Variants in SSBP2 observed in about 807,000 individuals in gnomAD.
The protein encoded by SSBP2 is single stranded DNA binding protein 2.
SSBP2 carries 17 observed loss-of-function variants against 61.8 expected under a neutral mutation model. The observed-to-expected ratio is 0.28, with a 90% CI of 0.19 to 0.41. SSBP2 has a LOEUF of 0.41. Ranked by LOEUF, SSBP2 falls within the 10% of genes least tolerant of loss-of-function variation. SSBP2 has a pLI of 1.00. For missense variants in SSBP2, 310 were observed against 458.7 expected (o/e 0.68, Z 2.96); for synonymous variants, 139 against 141.3 (o/e 0.98, Z 0.12).
At chr5:81,742,471 T>A (rs540659514) in intron 1 of SSBP2, among the ~76,000 whole-genome samples, 1 of 152,162 alleles carries the variant, frequency 6.6e-6, no homozygotes, top group Non-Finnish European at 1.5e-5. Context: ...AAATACATAA[T>A]CACAAACCTT....
chr5:81,722,270 C>A (rs1465838530), intron 1 of SSBP2, among the ~76,000 whole-genome samples: 1 of 151,882 alleles, frequency 6.6e-6, no homozygotes, highest in Admixed American at 6.6e-5. Context: ...AAAGCCTTGT[C>A]AAAAATACTG....
chr5:81,605,158 T>C (rs1446087152), intron 4 of SSBP2, among the ~76,000 whole-genome samples: 2 of 151,446 alleles, frequency 1.3e-5, no homozygotes, highest in Non-Finnish European at 3.0e-5. Context: ...ATTCAATTCA[T>C]TGACTCCCTC....
chr5:81,721,095 A>G (rs1280506785), intron 1 of SSBP2, among the ~76,000 whole-genome samples: 1 of 152,184 alleles, frequency 6.6e-6, no homozygotes, highest in Non-Finnish European at 1.5e-5. Context: ...TTTTATAAAG[A>G]GCCACAATAG....
intron 4 of SSBP2, among the ~76,000 whole-genome samples, chr5:81,573,366 A>G (rs1179651405): frequency 1.3e-5 from 2 of 152,242 alleles, no homozygotes; most frequent in Non-Finnish European, 2.9e-5. Flanking sequence ...GGCTTTTGCC[A>G]ATGTCGAAAG....
intron 1 of SSBP2, among the ~76,000 whole-genome samples, chr5:81,652,200 GGGT>G: frequency 6.6e-6 from 1 of 152,278 alleles, no homozygotes; most frequent in South Asian, 2.1e-4. Context: ...GTCAAGGCCA[GGGT>G]ACATCTGTGG....
chr5:81,579,468 A>T (rs1774480741), intron 4 of SSBP2, among the ~76,000 whole-genome samples: 1 of 152,078 alleles, frequency 6.6e-6, no homozygotes, highest in Non-Finnish European at 1.5e-5. Flanking sequence ...GCTAAGGTCT[A>T]AGAAGAGTTC....
chr5:81,447,071 A>G (rs761516691), intron 11 of SSBP2, 149 bp from the exon 12 acceptor site: 4 of 601,332 alleles, frequency 6.7e-6, no homozygotes, highest in Non-Finnish European at 8.2e-6. Flanking sequence ...AATCATTTCA[A>G]TATTCTACAA....
intron 1 of SSBP2, among the ~76,000 whole-genome samples, chr5:81,739,245 T>C (rs1297174957): frequency 6.6e-6 from 1 of 151,592 alleles, no homozygotes; most frequent in East Asian, 1.9e-4. Context: ...CTTGAAATAG[T>C]TCGTATTTAA....
intron 1 of SSBP2, among the ~76,000 whole-genome samples, chr5:81,651,201 T>A (rs1749698379): frequency 6.6e-6 from 1 of 152,240 alleles, no homozygotes; most frequent in South Asian, 2.1e-4. Flanking sequence ...GTTCAGTTTC[T>A]GCTACACTAT....
chr5:81,489,147 A>C, intron 6 of SSBP2, 103 bp downstream of exon 6: 1 of 1,051,520 alleles, frequency 9.5e-7, no homozygotes, highest in Non-Finnish European at 1.4e-6. Context: ...ATTAAATGGG[A>C]CAGAAAAAGG....
intron 4 of SSBP2, among the ~76,000 whole-genome samples, chr5:81,595,300 G>C (rs1185868745): frequency 1.3e-5 from 2 of 152,104 alleles, no homozygotes; most frequent in Non-Finnish European, 2.9e-5. Context: ...GGAAGAAGTT[G>C]AATCTCTGAA....
intron 4 of SSBP2, among the ~76,000 whole-genome samples, chr5:81,530,078 G>A (rs569321116): frequency 5.9e-5 from 9 of 152,016 alleles, no homozygotes; most frequent in African/African-American, 1.2e-4. Flanking sequence ...TGATCAAGCC[G>A]GGTTTCAGAC....
At position 81,591,579 on chromosome 5, in the gene SSBP2, G is replaced by C. The variant is rs142116950; in HGVS notation, c.282+23894C>G. On this transcript the variant is annotated intron_variant, in intron 4 of 16. Transcript: ENST00000320672. ...CATGAAAAAATGGGAAACTTCCACA[G>C]ACAGAAACTGTGAGAGAAAATAAAA... is the stretch of plus-strand genomic sequence containing the variant. Among the ~76,000 whole-genome samples, 1,105 of 152,188 alleles carry C rather than the reference G, an allele frequency of 7.3e-3. 4 individuals are homozygous for C. The highest frequency in any genetic ancestry group is 0.012 in the Non-Finnish European group (840 of 68,004).
chr5:81,550,176 T>C (rs1244394804), intron 4 of SSBP2, among the ~76,000 whole-genome samples: 2 of 152,246 alleles, frequency 1.3e-5, no homozygotes, highest in Non-Finnish European at 2.9e-5. Flanking sequence ...TAATTAACTA[T>C]ATTTTATGCT....
At chr5:81,584,818 A>T (rs1363780483) in intron 4 of SSBP2, among the ~76,000 whole-genome samples, 1 of 152,156 alleles carries the variant, frequency 6.6e-6, no homozygotes, top group Non-Finnish European at 1.5e-5. Flanking sequence ...TGTTAAGTAT[A>T]TGCCTAATCT....
intron 4 of SSBP2, among the ~76,000 whole-genome samples, chr5:81,585,491 A>T (rs1254017473): frequency 1.3e-5 from 2 of 152,052 alleles, no homozygotes; most frequent in Non-Finnish European, 2.9e-5. Context: ...ATTTTGTCAC[A>T]TTTCCAGCCT....
intron 1 of SSBP2, among the ~76,000 whole-genome samples, chr5:81,737,509 G>A (rs953071476): frequency 2.0e-5 from 3 of 151,912 alleles, no homozygotes; most frequent in Admixed American, 6.6e-5. Context: ...TTGGCCAGGC[G>A]CGGTGGCTCA....
intron 1 of SSBP2, among the ~76,000 whole-genome samples, chr5:81,659,957 G>A (rs1750548310): frequency 6.6e-6 from 1 of 151,990 alleles, no homozygotes; most frequent in Admixed American, 6.6e-5. Context: ...TGGAAAAATT[G>A]GCTAGCCATA....
rs1032659617 is a variant in SSBP2 at position 81,641,274 on chromosome 5, T to C, written c.136-4656A>G. ...CTACCTATATGGTTTGTATTTGATA[T>C]GGTCTTTTATGAGAAGAAGCCTGAG... On this transcript the variant is annotated intron_variant, in intron 2 of 16. Transcript: ENST00000320672. 3.3e-5 allele frequency among the ~76,000 whole-genome samples: 5 copies of C among 152,344 alleles called. No individual in the cohort carries two copies. In the East Asian group the frequency reaches 9.6e-4, roughly 29 times the overall value.
Sources: gnomAD v4.1 joint callset for allele counts (sites outside exome capture counted in the v4.1 genomes callset) on GRCh38, gnomAD v4.1.1 for gene constraint, MANE v1.5 for transcripts, NCBI Gene and HGNC (gene_info 2026-07-23, HGNC 2026-07-21) for gene names.